The following FGF18 variants were observed in gnomAD, a reference collection of about 807,000 sequenced individuals.
FGF18 encodes the protein fibroblast growth factor 18.
Under a neutral mutation model 23.0 loss-of-function variants are expected in FGF18, and 5 were observed. That is an observed-to-expected ratio of 0.22 (90% CI 0.11 to 0.46). The LOEUF (loss-of-function observed/expected upper bound fraction) is 0.46. Ranked by LOEUF, FGF18 falls within the 20% of genes least tolerant of loss-of-function variation. The probability of loss-of-function intolerance (pLI) is 0.99; values close to 1 mark genes in which losing one functional copy is unlikely to be tolerated. For missense variants in FGF18, 180 were observed against 291.6 expected (o/e 0.62, Z 2.79); for synonymous variants, 117 against 118.9 (o/e 0.98, Z 0.10).
Position 171,440,923 on chromosome 5 carries a change from T to C in FGF18, c.250+4650T>C, listed in dbSNP as rs1772332828. On this transcript the variant is annotated intron_variant, in intron 3 of 4. Coordinates refer to ENST00000274625, the MANE Select transcript of FGF18 (RefSeq NM_003862.3). This position sits in a 1 kb window ranked among gnomAD's most constrained non-coding sequence, Gnocchi z 4.0. The stretch of plus-strand genomic sequence containing the variant: ...GTGCCCCTGCGAGAGTGTGAGCTCC[T>C]TGGAGGGAGTGACTTTGTCTTGCTC... Among the ~76,000 whole-genome samples the C allele has an allele frequency of 6.6e-6, 1 of 152,176 alleles. No homozygotes were observed. The highest frequency in any genetic ancestry group is 2.4e-5 in the African/African-American group (1 of 41,446).
At position 171,434,511 on chromosome 5, in the gene FGF18, G is replaced by A. The variant is rs943164139; in HGVS notation, c.70-1582G>A. 4.6e-5 allele frequency among the ~76,000 whole-genome samples: 7 copies of A among 152,190 alleles called. No individual in the cohort carries two copies. The highest frequency in any genetic ancestry group is 1.0e-4 in the Non-Finnish European group (7 of 68,034). Reference sequence around the variant, plus strand: ...ATGGGCTGAGTGGGGGCGTGCCAGCGTGGGAATGGGGGTCCCTTGTGCCTA... The same window carrying A: ...ATGGGCTGAGTGGGGGCGTGCCAGCATGGGAATGGGGGTCCCTTGTGCCTA... On this transcript the variant is annotated intron_variant, in intron 2 of 4. Coordinates refer to ENST00000274625, the MANE Select transcript of FGF18 (RefSeq NM_003862.3). The surrounding 1 kb of genome is among the most constrained non-coding windows in gnomAD (Gnocchi z 4.6).
intron 2 of FGF18, among the ~76,000 whole-genome samples, chr5:171,424,759 CTGAGAGGGT>C (rs929950382): frequency 1.3e-5 from 2 of 150,078 alleles, no homozygotes; most frequent in African/African-American, 4.9e-5. Context: ...ATGTGTTGAT[CTGAGAGGGT>C]CCCAGAGTTA....
At chr5:171,437,248 C>A (rs998949814) in intron 3 of FGF18, among the ~76,000 whole-genome samples, 4 of 152,212 alleles carry the variant, frequency 2.6e-5, no homozygotes, top group African/African-American at 9.6e-5. Context: ...CTGCCCGTTG[C>A]AGTCAGGACG....
At chr5:171,446,191 C>T (rs573848152) in intron 3 of FGF18, among the ~76,000 whole-genome samples, 7 of 152,310 alleles carry the variant, frequency 4.6e-5, no homozygotes, top group South Asian at 2.1e-4. Flanking sequence ...CCTGGCGTGA[C>T]GGCCAGGCGC....
At chr5:171,430,794 C>CAAAAAAA (rs566577499) in intron 2 of FGF18, among the ~76,000 whole-genome samples, 592 of 50,224 alleles carry the variant, frequency 0.012, 3 homozygotes, top group African/African-American at 0.017. Context: ...GACTCCGTCT[C>CAAAAAAA]AAAAAAAAAA....
In FGF18 at chr5:171,456,460, A is replaced by G; in HGVS notation, c.358-79A>G. The G allele has an allele frequency of 6.8e-7, 1 of 1,467,534 alleles. No homozygotes were observed. Among genetic ancestry groups the G allele is most frequent in the Non-Finnish European group, 9.3e-7 (1 of 1,075,790 alleles). The allele number at this position is 1,467,534 out of a possible 1,614,324, so 90.9% of individuals were successfully genotyped here. On this transcript the variant is annotated intron_variant, in intron 4 of 4. Coordinates refer to ENST00000274625, the MANE Select transcript of FGF18 (RefSeq NM_003862.3). This position sits in a 1 kb window ranked among gnomAD's most constrained non-coding sequence, Gnocchi z 6.1. ...CCTACAACAATCGCAATGGTCCTGA[A>G]TAAAACCTTCCTCGCTGTGCTTTGG...
intron 3 of FGF18, among the ~76,000 whole-genome samples, chr5:171,437,214 C>T (rs1772260742): frequency 2.0e-5 from 3 of 152,196 alleles, no homozygotes; most frequent in African/African-American, 4.8e-5. Context: ...GTTTTTGGGA[C>T]GATGCCCCGC....
At chr5:171,445,685 T>C (rs888112315) in intron 3 of FGF18, among the ~76,000 whole-genome samples, 1 of 152,136 alleles carries the variant, frequency 6.6e-6, no homozygotes, top group African/African-American at 2.4e-5. Flanking sequence ...TTTTAAAGGA[T>C]TTCTCTGGCT....
intron 3 of FGF18, among the ~76,000 whole-genome samples, chr5:171,438,147 G>T (rs1772281558): frequency 6.7e-6 from 1 of 148,498 alleles, no homozygotes. Context: ...TGCCCAGGCT[G>T]GAGTGGTGCA....
At chr5:171,433,764 GGGTGATAAGC>G (rs1397242594) in intron 2 of FGF18, among the ~76,000 whole-genome samples, 1 of 152,196 alleles carries the variant, frequency 6.6e-6, no homozygotes, top group Non-Finnish European at 1.5e-5. Flanking sequence ...CATTCAATGA[GGGTGATAAGC>G]GTTCTCATGG....
intron 3 of FGF18, among the ~76,000 whole-genome samples, chr5:171,445,412 G>A (rs572703514): frequency 6.6e-6 from 1 of 152,204 alleles, no homozygotes; most frequent in Non-Finnish European, 1.5e-5. Context: ...AGGCTGGAGT[G>A]CAGTGGCATG....
rs1053945396 is a variant in FGF18 at position 171,440,236 on chromosome 5, G to T, written c.250+3963G>T. 1.3e-5 allele frequency among the ~76,000 whole-genome samples: 2 copies of T among 150,228 alleles called. No homozygotes were observed. Among genetic ancestry groups the T allele is most frequent in the Non-Finnish European group, 3.0e-5 (2 of 67,530 alleles). ...TTACTATGGGTGTGTGGGGGGGGGT[G>T]GTGCCATCGCGGGCTCAGGTGAGGA... On this transcript the variant is annotated intron_variant, in intron 3 of 4. Transcript: ENST00000274625. The surrounding 1 kb of genome is among the most constrained non-coding windows in gnomAD (Gnocchi z 4.0).
At chr5:171,446,941 T>C (rs1455993873) in intron 3 of FGF18, among the ~76,000 whole-genome samples, 1 of 151,722 alleles carries the variant, frequency 6.6e-6, no homozygotes, top group Non-Finnish European at 1.5e-5. Context: ...GAGGGAAGCT[T>C]TGCTGCTCCT....
At chr5:171,426,696 T>C (rs941375843) in intron 2 of FGF18, among the ~76,000 whole-genome samples, 2 of 152,250 alleles carry the variant, frequency 1.3e-5, no homozygotes, top group South Asian at 4.1e-4. Flanking sequence ...GGCTCTGTCC[T>C]GGGCTCACTG....
In FGF18 at chr5:171,456,409, C is replaced by A. The variant is rs890918769; in HGVS notation, c.358-130C>A. The A allele has an allele frequency of 1.3e-5, 11 of 851,758 alleles. No individual in the cohort carries two copies. The highest frequency in any genetic ancestry group is 5.1e-5 in the African/African-American group (3 of 58,730). The allele number at this position is 851,758 out of a possible 1,614,324, so 52.8% of individuals were successfully genotyped here. ...AGAGTTAAGCTCAATCTCTCTCCCC[C>A]ACTGCAAAACTTCATTACAGTTGTC... On this transcript the variant is annotated intron_variant, in intron 4 of 4. Coordinates refer to ENST00000274625, the MANE Select transcript of FGF18 (RefSeq NM_003862.3). The surrounding 1 kb of genome is among the most constrained non-coding windows in gnomAD (Gnocchi z 6.1).
At chr5:171,445,398 G>A (rs753035907) in intron 3 of FGF18, among the ~76,000 whole-genome samples, 73 of 152,070 alleles carry the variant, frequency 4.8e-4, no homozygotes, top group Non-Finnish European at 5.7e-4. Context: ...TCACTCTTTC[G>A]CCCAGGCTGG....
At chr5:171,427,517 C>T (rs1405182530) in intron 2 of FGF18, among the ~76,000 whole-genome samples, 4 of 152,258 alleles carry the variant, frequency 2.6e-5, no homozygotes, top group South Asian at 4.2e-4. Flanking sequence ...TGGCCTTGGG[C>T]GAGGCCCTTA....
intron 2 of FGF18, among the ~76,000 whole-genome samples, chr5:171,429,936 G>A (rs1025807995): frequency 1.3e-5 from 2 of 152,228 alleles, no homozygotes; most frequent in African/African-American, 4.8e-5. Context: ...GGAGAACAGT[G>A]GCAGGCGAGG....
chr5:171,452,515 A>G (rs902247428), intron 4 of FGF18, among the ~76,000 whole-genome samples: 3 of 152,140 alleles, frequency 2.0e-5, no homozygotes, highest in East Asian at 3.9e-4. Flanking sequence ...CAGCCCCTGC[A>G]TGTTCAGGCG....
Sources: gnomAD v4.1 joint callset for allele counts (sites outside exome capture counted in the v4.1 genomes callset) on GRCh38, gnomAD v4.1.1 for gene constraint, Gnocchi (gnomAD v3.1) non-coding constraint, MANE v1.5 for transcripts, NCBI Gene and HGNC (gene_info 2026-07-23, HGNC 2026-07-21) for gene names.